Variants in MALRD1 observed in about 807,000 individuals in gnomAD.
The protein encoded by MALRD1 is MAM and LDL-receptor class A domain-containing protein 1.
Under a neutral mutation model 242.1 loss-of-function variants are expected in MALRD1, and 247 were observed. That is an observed-to-expected ratio of 1.02 (90% CI 0.92 to 1.13). The LOEUF is 1.13. MALRD1 is among the 50% of genes most tolerant of loss of function. The probability of loss-of-function intolerance (pLI) is 0.00; values close to 1 mark genes in which losing one functional copy is unlikely to be tolerated. For missense variants in MALRD1, 2,989 were observed against 2,533.1 expected (o/e 1.18, Z -3.86); for synonymous variants, 995 against 866.6 (o/e 1.15, Z -2.60).
chr10:19,377,620 A>T (rs1181958772), intron 26 of MALRD1, among the ~76,000 whole-genome samples: 2 of 145,194 alleles, frequency 1.4e-5, no homozygotes, highest in African/African-American at 5.1e-5. Context: ...ACTGAAAAGT[A>T]TAAGTCTCAG....
chr10:19,731,045 C>T (rs1835275536), intron 39 of MALRD1, among the ~76,000 whole-genome samples: 1 of 152,144 alleles, frequency 6.6e-6, no homozygotes, highest in Non-Finnish European at 1.5e-5. Context: ...ACTATTTATA[C>T]TCAAAAAGAG....
intron 36 of MALRD1, among the ~76,000 whole-genome samples, chr10:19,638,493 G>T (rs1840246582): frequency 6.6e-6 from 1 of 152,126 alleles, no homozygotes; most frequent in Admixed American, 6.6e-5. Context: ...AGTGAGGGAT[G>T]ATCAAGAAGA....
chr10:19,330,354 AAAAC>A lies in MALRD1; in HGVS notation c.3688-1014_3688-1011del, dbSNP rs1843310367. The stretch of plus-strand genomic sequence containing the variant: ...GACTTACCGCATCTGAAGGAAAAAA[AAAAC>A]TATAATTATTTCTTTTAAGAAAAAT... On this transcript the variant is annotated intron_variant, in intron 23 of 39. Coordinates refer to ENST00000454679, the MANE Select transcript of MALRD1 (RefSeq NM_001142308.3). Among the ~76,000 whole-genome samples, 6 of 152,190 alleles carry A rather than the reference AAAAC, an allele frequency of 3.9e-5. No individual in the cohort carries two copies. The East Asian group carries it at 9.7e-4, about 25-fold the overall frequency.
chr10:19,235,274 C>A (rs1048417247), intron 18 of MALRD1, among the ~76,000 whole-genome samples: 1 of 152,016 alleles, frequency 6.6e-6, no homozygotes, highest in African/African-American at 2.4e-5. Flanking sequence ...GCCCTGCTGG[C>A]ATCTGTTGTA....
chr10:19,590,368 C>T (rs1201722944), intron 33 of MALRD1, among the ~76,000 whole-genome samples: 1 of 146,452 alleles, frequency 6.8e-6, no homozygotes, highest in South Asian at 2.1e-4. Context: ...ATGTATATGT[C>T]TATATACATA....
rs1254818104 is a variant in MALRD1, at chr10:19,416,794, C to A, written c.4845+27185C>A. On this transcript the variant is annotated intron_variant, in intron 28 of 39. Transcript: ENST00000454679. The stretch of plus-strand genomic sequence containing the variant: ...AGGTTTTCATCTATCATATTCCTTG[C>A]TTGAGTTATCATTTCTTTACTCTGC... Among the ~76,000 whole-genome samples, 51 of 152,206 alleles carry A rather than the reference C, an allele frequency of 3.4e-4. 2 individuals are homozygous for A. The highest frequency in any genetic ancestry group is 3.3e-3 in the Admixed American group (50 of 15,270).
At chr10:19,331,238 AAAAC>A (rs1564568657) in intron 23 of MALRD1, 127 bp from the exon 24 acceptor site, 6 of 768,620 alleles carry the variant, frequency 7.8e-6, no homozygotes, top group Non-Finnish European at 4.0e-6. Flanking sequence ...AGGGACATAA[AAAAC>A]AAAAACAAAA....
intron 29 of MALRD1, among the ~76,000 whole-genome samples, chr10:19,466,527 T>G (rs988646002): frequency 6.6e-6 from 1 of 152,216 alleles, no homozygotes; most frequent in Non-Finnish European, 1.5e-5. Flanking sequence ...TTCTCACAGT[T>G]CTGGAGGCTG....
intron 39 of MALRD1, among the ~76,000 whole-genome samples, chr10:19,732,830 A>G (rs1221929581): frequency 6.6e-6 from 1 of 152,180 alleles, no homozygotes; most frequent in African/African-American, 2.4e-5. Flanking sequence ...ACCTGCTTTC[A>G]AAATGGTTTC....
chr10:19,557,937 A>T (rs1835798199), intron 32 of MALRD1, among the ~76,000 whole-genome samples: 2 of 152,054 alleles, frequency 1.3e-5, no homozygotes, highest in South Asian at 4.1e-4. Flanking sequence ...ATTTTTCATC[A>T]GTTTTGTAGT....
At chr10:19,408,866 G>C (rs1343600378) in intron 28 of MALRD1, among the ~76,000 whole-genome samples, 6 of 152,152 alleles carry the variant, frequency 3.9e-5, no homozygotes, top group Non-Finnish European at 8.8e-5. Flanking sequence ...GTAACAAAGG[G>C]TTTGGCAGTT....
intron 33 of MALRD1, among the ~76,000 whole-genome samples, chr10:19,594,774 G>A (rs1244022999): frequency 6.6e-6 from 1 of 152,106 alleles, no homozygotes; most frequent in Non-Finnish European, 1.5e-5. Context: ...ATAAATGGGA[G>A]CTAAGCTGTG....
At chr10:19,071,879 A>C (rs533842095) in intron 2 of MALRD1, among the ~76,000 whole-genome samples, 8 of 152,206 alleles carry the variant, frequency 5.3e-5, no homozygotes, top group Admixed American at 1.3e-4. Flanking sequence ...TTTAATGTCC[A>C]TTTATTCCTT....
chr10:19,447,988 G>A (rs1460453667), intron 28 of MALRD1, among the ~76,000 whole-genome samples: 1 of 152,032 alleles, frequency 6.6e-6, no homozygotes, highest in Non-Finnish European at 1.5e-5. Flanking sequence ...ACTGTTAGTT[G>A]TTTTGCAAAG....
intron 11 of MALRD1, among the ~76,000 whole-genome samples, chr10:19,148,325 C>T (rs1434328993): frequency 6.6e-6 from 1 of 151,792 alleles, no homozygotes; most frequent in Non-Finnish European, 1.5e-5. Context: ...GTTGACACTG[C>T]ACCCATGTCT....
chr10:19,544,788 A>G lies in MALRD1; in HGVS notation c.5478+13437A>G, dbSNP rs151039131. Among the ~76,000 whole-genome samples, 289 of 152,208 alleles carry G rather than the reference A, an allele frequency of 1.9e-3. 4 individuals carry two copies. Among genetic ancestry groups the G allele is most frequent in the African/African-American group, 6.6e-3 (276 of 41,534 alleles). ...CTTGGCAATCATATTCATAAAAATGACCATGACCTCTCTTCAGTTTTTCAA... is the reference window on the plus strand; with the variant it reads ...CTTGGCAATCATATTCATAAAAATGGCCATGACCTCTCTTCAGTTTTTCAA... On this transcript the variant is annotated intron_variant, in intron 32 of 39. Coordinates refer to ENST00000454679, the MANE Select transcript of MALRD1 (RefSeq NM_001142308.3).
intron 18 of MALRD1, among the ~76,000 whole-genome samples, chr10:19,230,972 G>A (rs996908770): frequency 1.3e-5 from 2 of 152,174 alleles, no homozygotes; most frequent in Admixed American, 6.5e-5. Context: ...ATAATTGGTT[G>A]TGGAGACTTT....
rs911297470 is a variant in MALRD1 at position 19,352,002 on chromosome 10, A to G, written c.4150-4A>G. The stretch of plus-strand genomic sequence containing the variant: ...GTATGTAATATTCCTATTCTTGATT[A>G]CAGATTATTTTTCATTATCACATGT... On this transcript the variant is annotated splice_polypyrimidine_tract_variant and splice_region_variant and intron_variant, in intron 25 of 39. Coordinates refer to ENST00000454679, the MANE Select transcript of MALRD1 (RefSeq NM_001142308.3). 6.5e-7 allele frequency: 1 copy of G among 1,539,892 alleles called. No individual in the cohort carries two copies. The highest frequency in any genetic ancestry group is 8.8e-7 in the Non-Finnish European group (1 of 1,137,788).
intron 33 of MALRD1, among the ~76,000 whole-genome samples, chr10:19,577,398 A>G (rs1836883140): frequency 6.6e-6 from 1 of 152,282 alleles, no homozygotes; most frequent in African/African-American, 2.4e-5. Flanking sequence ...AAATGCCATT[A>G]AATGCTAATA....
Sources: allele counts gnomAD v4.1 joint callset (sites outside exome capture counted in the v4.1 genomes callset), GRCh38; gene constraint gnomAD v4.1.1; transcripts MANE v1.5; gene names NCBI Gene and HGNC (gene_info 2026-07-23, HGNC 2026-07-21).